The following NRXN3 variants were observed in gnomAD, a reference collection of about 807,000 sequenced individuals.
NRXN3 encodes the protein neurexin 3.
NRXN3 carries 32 observed loss-of-function variants against 137.6 expected under a neutral mutation model. The ratio of observed to expected loss-of-function variants is 0.23; its 90% CI spans 0.18 to 0.31. NRXN3 has a LOEUF of 0.31. Among genes scored for constraint, NRXN3 ranks in the 10% least tolerant of loss-of-function variants. NRXN3 has a pLI of 1.00. For synonymous variants in NRXN3, 798 were observed against 784.5 expected (o/e 1.02, Z -0.29); for missense variants, 1,574 against 2,062.5 (o/e 0.76, Z 4.59).
chr14:79,402,826 T>A (rs1290876642), intron 15 of NRXN3, among the ~76,000 whole-genome samples: 1 of 152,208 alleles, frequency 6.6e-6, no homozygotes, highest in Non-Finnish European at 1.5e-5. Context: ...TAGGTGCTGC[T>A]GATACAGTTA....
At chr14:78,558,160 G>A (rs1405099542) in intron 4 of NRXN3, among the ~76,000 whole-genome samples, 3 of 152,188 alleles carry the variant, frequency 2.0e-5, no homozygotes, top group African/African-American at 7.2e-5. Flanking sequence ...ATGTTCACCA[G>A]CCATTCTTCC....
chr14:78,322,638 G>A (rs893322160), intron 4 of NRXN3, among the ~76,000 whole-genome samples: 2 of 151,892 alleles, frequency 1.3e-5, no homozygotes, highest in Non-Finnish European at 2.9e-5. Context: ...AAGCTCCTTA[G>A]CCTGGCATTC....
intron 10 of NRXN3, among the ~76,000 whole-genome samples, chr14:78,904,412 T>C (rs988994514): frequency 6.6e-6 from 1 of 152,026 alleles, no homozygotes; most frequent in African/African-American, 2.4e-5. Flanking sequence ...TTTATGATAA[T>C]AAGCCAGGTA....
chr14:78,918,701 C>A (rs1348009105), intron 10 of NRXN3, among the ~76,000 whole-genome samples: 1 of 151,996 alleles, frequency 6.6e-6, no homozygotes, highest in Non-Finnish European at 1.5e-5. Context: ...AATGAATGTC[C>A]CAAAGATTGC....
intron 8 of NRXN3, among the ~76,000 whole-genome samples, chr14:78,761,752 G>A (rs2098692981): frequency 6.6e-6 from 1 of 152,150 alleles, no homozygotes; most frequent in Non-Finnish European, 1.5e-5. Flanking sequence ...AAGGATTAAG[G>A]AAGAGCTGCT....
At position 79,863,261 on chromosome 14, in the gene NRXN3, TAAATG is replaced by T. The variant is rs1387134300; in HGVS notation, c.*1300_*1304del. On this transcript the variant is annotated 3_prime_UTR_variant, in exon 21 of 21. Coordinates refer to ENST00000335750, the MANE Select transcript of NRXN3 (RefSeq NM_001330195.2). ...TTCACCCATCTTTTTTAAAAACAAA[TAAATG>T]AATAAAGCTGCTGTGACACACACAC... 6.6e-6 allele frequency: 1 copy of T among 151,932 alleles called. No homozygotes were observed. The highest frequency in any genetic ancestry group is 2.4e-5 in the African/African-American group (1 of 41,344). 9.4% of individuals were successfully genotyped at this position (151,932 alleles called of 1,614,324 possible).
At chr14:78,931,247 C>T (rs1023742940) in intron 10 of NRXN3, among the ~76,000 whole-genome samples, 3 of 151,844 alleles carry the variant, frequency 2.0e-5, no homozygotes, top group Non-Finnish European at 4.4e-5. Context: ...ATGTCAAGAC[C>T]TTGGGGATAT....
At chr14:78,788,677 C>T (rs1453667000) in intron 8 of NRXN3, among the ~76,000 whole-genome samples, 1 of 152,164 alleles carries the variant, frequency 6.6e-6, no homozygotes, top group African/African-American at 2.4e-5. Context: ...CTTAATAGAC[C>T]TGAATACTGC....
At chr14:79,334,860 A>G (rs936409403) in intron 15 of NRXN3, among the ~76,000 whole-genome samples, 1 of 152,204 alleles carries the variant, frequency 6.6e-6, no homozygotes, top group African/African-American at 2.4e-5. Context: ...AAATTGATAC[A>G]TACAATAACA....
At chr14:79,367,263 G>T (rs1459854328) in intron 15 of NRXN3, among the ~76,000 whole-genome samples, 1 of 152,200 alleles carries the variant, frequency 6.6e-6, no homozygotes, top group Non-Finnish European at 1.5e-5. Flanking sequence ...GATTACAGGC[G>T]TGAGCCACCA....
At chr14:78,181,109 T>C (rs2059767170) in intron 1 of NRXN3, among the ~76,000 whole-genome samples, 1 of 152,152 alleles carries the variant, frequency 6.6e-6, no homozygotes, top group Non-Finnish European at 1.5e-5. Context: ...GTTAGGTAAG[T>C]GTGGAGGTAA....
At chr14:78,188,244 G>A (rs991658618) in intron 1 of NRXN3, among the ~76,000 whole-genome samples, 1 of 152,152 alleles carries the variant, frequency 6.6e-6, no homozygotes, top group African/African-American at 2.4e-5. Context: ...CCCCATGACA[G>A]TTGGGGAAAC....
At chr14:79,224,604 C>T (rs1329707066) in intron 15 of NRXN3, among the ~76,000 whole-genome samples, 1 of 152,040 alleles carries the variant, frequency 6.6e-6, no homozygotes, top group African/African-American at 2.4e-5. Flanking sequence ...GAGCAGTGTT[C>T]CTCCAAAATT....
chr14:78,911,899 T>C (rs2099238832), intron 10 of NRXN3, among the ~76,000 whole-genome samples: 1 of 151,762 alleles, frequency 6.6e-6, no homozygotes. Flanking sequence ...CACAAATTGG[T>C]ATGTTTTTTT....
At chr14:79,576,126 C>T (rs1486210334) in intron 16 of NRXN3, among the ~76,000 whole-genome samples, 1 of 152,160 alleles carries the variant, frequency 6.6e-6, no homozygotes, top group African/African-American at 2.4e-5. Context: ...GCATTATCCA[C>T]TTATTTGATC....
chr14:79,256,067 A>T (rs2076527030), intron 15 of NRXN3, among the ~76,000 whole-genome samples: 1 of 151,852 alleles, frequency 6.6e-6, no homozygotes, highest in African/African-American at 2.4e-5. Context: ...TACCCATATT[A>T]AATGCATTTC....
rs2061043208 is a variant in NRXN3, at chr14:79,163,906, TAA to T, written c.3262+175766_3262+175767del. 3.1e-5 allele frequency among the ~76,000 whole-genome samples: 3 copies of T among 95,460 alleles called. No homozygotes were observed. In the South Asian group the frequency reaches 1.0e-3, roughly 33 times the overall value. 62.6% of individuals were successfully genotyped at this position (95,460 alleles called of 152,430 possible). ...AAAATAATGCCAACAACAACAACAA[TAA>T]TATTTTCTTCCTCGTCTGTTTTTGT... is the stretch of plus-strand genomic sequence containing the variant. On this transcript the variant is annotated intron_variant, in intron 15 of 20. Transcript: ENST00000335750.
intron 19 of NRXN3, among the ~76,000 whole-genome samples, chr14:79,732,615 T>A (rs1297119466): frequency 1.3e-5 from 2 of 152,160 alleles, no homozygotes; most frequent in African/African-American, 4.8e-5. Context: ...AAAAACTGGG[T>A]CTTTTGTGAG....
At chr14:78,491,921 A>G (rs2095675141) in intron 4 of NRXN3, among the ~76,000 whole-genome samples, 1 of 152,132 alleles carries the variant, frequency 6.6e-6, no homozygotes, top group Non-Finnish European at 1.5e-5. Context: ...CCTTAGGACT[A>G]GTGGGATATT....
Sources: allele counts gnomAD v4.1 joint callset (sites outside exome capture counted in the v4.1 genomes callset), GRCh38; gene constraint gnomAD v4.1.1; transcripts MANE v1.5; gene names NCBI Gene and HGNC (gene_info 2026-07-23, HGNC 2026-07-21).